Variants in ZMPSTE24 observed in about 807,000 individuals in gnomAD.
ZMPSTE24 encodes zinc metallopeptidase STE24.
ZMPSTE24 carries 48 observed loss-of-function variants against 56.7 expected under a neutral mutation model. The observed-to-expected ratio is 0.85, with a 90% CI of 0.67 to 1.08. The LOEUF is 1.08. Among genes scored for constraint, ZMPSTE24 ranks in the 50% least tolerant of loss-of-function variants. The probability of loss-of-function intolerance (pLI) is 0.00; values close to 1 mark genes in which losing one functional copy is unlikely to be tolerated. For missense variants in ZMPSTE24, 503 were observed against 548.7 expected, an observed-to-expected ratio of 0.92 and a Z score of 0.83; for synonymous variants, 172 against 195.2, an observed-to-expected ratio of 0.88 and a Z score of 0.99.
intron 2 of ZMPSTE24, among the ~76,000 whole-genome samples, chr1:40,262,405 C>A (rs1328646580): frequency 6.6e-6 from 1 of 152,072 alleles, no homozygotes; most frequent in Non-Finnish European, 1.5e-5. Context: ...GTAATCTTTT[C>A]AATAAAGACT....
At chr1:40,263,154 G>A (rs1643515414) in intron 2 of ZMPSTE24, among the ~76,000 whole-genome samples, 1 of 152,208 alleles carries the variant, frequency 6.6e-6, no homozygotes, top group African/African-American at 2.4e-5. Flanking sequence ...GGTGACCATA[G>A]GAATGGCTGT....
In ZMPSTE24 at chr1:40,293,076, C is replaced by T; in HGVS notation, c.*407C>T. ...CAGTGGTCCTGAATCATTGTGCTCA[C>T]ACCTAACTTGAAATCTGGTCTTACT... On this transcript the variant is annotated 3_prime_UTR_variant, in exon 10 of 10. Coordinates refer to ENST00000372759, the MANE Select transcript of ZMPSTE24 (RefSeq NM_005857.5). 1 of 179,732 alleles carries T rather than the reference C, an allele frequency of 5.6e-6. No individual in the cohort carries two copies. The highest frequency in any genetic ancestry group is 1.2e-5 in the Non-Finnish European group (1 of 85,338). The allele number at this position is 179,732 out of a possible 1,614,324, so 11.1% of individuals were successfully genotyped here. A position where few individuals can be genotyped will look rare whatever the true frequency, so the allele number is the denominator to read the frequency against.
Position 40,268,456 on chromosome 1 carries a change from T to C in ZMPSTE24, c.395T>C (p.Leu132Pro), listed in dbSNP as rs762325459. The change falls in exon 4 of 10, where the codon CTT becomes CCT. Residue 132 changes from leucine (L) to proline (P), a missense_variant. By Grantham distance (98) the Leu-to-Pro change is moderately conservative. Coordinates refer to ENST00000372759, the MANE Select transcript of ZMPSTE24 (RefSeq NM_005857.5). ...CTGGTGTTTCTGCTGTTGGCTACAC[T>C]TTTCAGTGCATTGACTGGTTTGCCA... ...QSLVFLLLAT[L>P]FSALTGLPWS... 6 of 1,613,056 alleles carry C rather than the reference T, an allele frequency of 3.7e-6. No individual in the cohort carries two copies. The highest frequency in any genetic ancestry group is 1.7e-4 in the Middle Eastern group (1 of 6,060).
Position 40,267,987 on chromosome 1 carries a change from T to C in ZMPSTE24, c.357+115T>C, listed in dbSNP as rs771527444. 6.2e-4 allele frequency: 531 copies of C among 853,396 alleles called. 2 individuals are homozygous for C. Among genetic ancestry groups the C allele is most frequent in the Non-Finnish European group, 9.2e-4 (455 of 494,290 alleles). 52.9% of individuals were successfully genotyped at this position (853,396 alleles called of 1,614,324 possible). On this transcript the variant is annotated intron_variant, in intron 3 of 9. Transcript: ENST00000372759. The stretch of plus-strand genomic sequence containing the variant: ...GTTAAGATTTGCCTCTCTGTTTGCA[T>C]AGTCCTTGGTTACCCATGCTGTATT...
chr1:40,270,619 C>A, intron 5 of ZMPSTE24, among the ~76,000 whole-genome samples: 1 of 152,106 alleles, frequency 6.6e-6, no homozygotes, highest in African/African-American at 2.4e-5. Context: ...TTCCCCTTCC[C>A]CTTCTATCTT....
At chr1:40,275,667 G>T (rs974665566) in intron 6 of ZMPSTE24, among the ~76,000 whole-genome samples, 2 of 148,522 alleles carry the variant, frequency 1.3e-5, no homozygotes, top group Non-Finnish European at 3.0e-5. Flanking sequence ...CAGGAGGATC[G>T]CTTGAATCTA....
At position 40,260,823 on chromosome 1, in the gene ZMPSTE24, C is replaced by G; in HGVS notation, c.124-16C>G. 6.2e-7 allele frequency: 1 copy of G among 1,611,088 alleles called. No individual in the cohort carries two copies. The highest frequency in any genetic ancestry group is 8.5e-7 in the Non-Finnish European group (1 of 1,177,710). On this transcript the variant is annotated splice_polypyrimidine_tract_variant and intron_variant, in intron 1 of 9. Coordinates refer to ENST00000372759, the MANE Select transcript of ZMPSTE24 (RefSeq NM_005857.5). ...AACAACTATTTCACTAAAGTGTTTTCTTTAAAATATTTCAGAGAAGGATAT... is the reference window on the plus strand; with the variant it reads ...AACAACTATTTCACTAAAGTGTTTTGTTTAAAATATTTCAGAGAAGGATAT...
chr1:40,261,437 C>T (rs1353668205), intron 2 of ZMPSTE24, among the ~76,000 whole-genome samples: 1 of 151,836 alleles, frequency 6.6e-6, no homozygotes, highest in African/African-American at 2.4e-5. Context: ...GCAACCTCTG[C>T]TTCCTAGGCG....
At chr1:40,285,860 CT>C (rs1643781968) in intron 7 of ZMPSTE24, 64 bp from the exon 8 acceptor site, 1 of 1,320,944 alleles carries the variant, frequency 7.6e-7, no homozygotes. Context: ...AGGGCTATTA[CT>C]GGGTTAAAAG....
intron 8 of ZMPSTE24, among the ~76,000 whole-genome samples, chr1:40,288,865 G>A (rs569036838): frequency 1.3e-5 from 2 of 151,712 alleles, no homozygotes; most frequent in Admixed American, 1.3e-4. Context: ...AATAAATTAG[G>A]ATATATATCC....
At position 40,293,002 on chromosome 1, in the gene ZMPSTE24, G is replaced by A; in HGVS notation, c.*333G>A. ...GCATGTGAGGTGTTTGAGGGCATAT[G>A]TTTGAAAGAGGGAGCATCACCACAG... On this transcript the variant is annotated 3_prime_UTR_variant, in exon 10 of 10. Coordinates refer to ENST00000372759, the MANE Select transcript of ZMPSTE24 (RefSeq NM_005857.5). 1 of 268,816 alleles carries A rather than the reference G, an allele frequency of 3.7e-6. No homozygotes were observed. Among genetic ancestry groups the A allele is most frequent in the South Asian group, 3.8e-5 (1 of 26,094 alleles). 16.7% of individuals were successfully genotyped at this position (268,816 alleles called of 1,614,324 possible).
chr1:40,260,975 C>T lies in ZMPSTE24; in HGVS notation c.260C>T (p.Thr87Ile), dbSNP rs372440430. 84 of 1,614,096 alleles carry T rather than the reference C, an allele frequency of 5.2e-5. 2 individuals are homozygous for T. Among genetic ancestry groups the T allele is most frequent in the East Asian group, 2.7e-4 (12 of 44,856 alleles). ...FSFWSGLYSE[T>I]EGTLILLFGG... ...TTCTGGTCAGGACTCTATTCAGAGA[C>T]TGAAGGCACTGTGAGTAATTTACTT... The change falls in exon 2 of 10, where the codon ACT (threonine) becomes ATT (isoleucine). Residue 87 changes from threonine (T) to isoleucine (I), a missense_variant. By Grantham distance (89) the Thr-to-Ile change is moderately conservative. Transcript: ENST00000372759.
In ZMPSTE24 at chr1:40,270,044, T is replaced by C; in HGVS notation, c.544T>C (p.Ser182Pro). The part of the protein sequence containing the change: ...VVTQCILLPV[S>P]SLLLYIIKIG... ...GACTCAGTGTATTTTGTTGCCTGTG[T>C]CTTCACTTCTACTTTACATTATTAA... The change falls in exon 5 of 10, where the codon TCT becomes CCT. Residue 182 changes from serine (S) to proline (P), a missense_variant. Coordinates refer to ENST00000372759, the MANE Select transcript of ZMPSTE24 (RefSeq NM_005857.5). 1 of 1,613,974 alleles carries C rather than the reference T, an allele frequency of 6.2e-7. No homozygotes were observed. Among genetic ancestry groups the C allele is most frequent in the Non-Finnish European group, 8.5e-7 (1 of 1,179,956 alleles).
chr1:40,270,456 T>C (rs1643603173), intron 5 of ZMPSTE24, among the ~76,000 whole-genome samples: 1 of 152,146 alleles, frequency 6.6e-6, no homozygotes, highest in African/African-American at 2.4e-5. Flanking sequence ...CTGACTGACC[T>C]CCACTGCCTA....
chr1:40,291,679 T>C (rs1643845794), intron 9 of ZMPSTE24, among the ~76,000 whole-genome samples: 1 of 152,142 alleles, frequency 6.6e-6, no homozygotes, highest in African/African-American at 2.4e-5. Context: ...TTGGGATAGA[T>C]TGTAGAGTTA....
rs982571606 is a variant in ZMPSTE24, at chr1:40,293,495, G to A, written c.*826G>A. The A allele has an allele frequency of 2.6e-5, 4 of 152,022 alleles. No individual in the cohort carries two copies. The highest frequency in any genetic ancestry group is 7.2e-5 in the African/African-American group (3 of 41,396). The allele number at this position is 152,022 out of a possible 1,614,324, so 9.4% of individuals were successfully genotyped here. A position where few individuals can be genotyped will look rare whatever the true frequency, so the allele number is the denominator to read the frequency against. ...CAGCAGAGATGGCCATATTAAACAC[G>A]TTTTGCTATGTTAAAAGTGGCAGAA... On this transcript the variant is annotated 3_prime_UTR_variant, in exon 10 of 10. Transcript: ENST00000372759.
chr1:40,267,126 T>G (rs1346593712), intron 2 of ZMPSTE24, among the ~76,000 whole-genome samples: 5 of 152,048 alleles, frequency 3.3e-5, no homozygotes, highest in Admixed American at 1.3e-4. Flanking sequence ...AAAAGGTTTT[T>G]TTTTGTTTTG....
chr1:40,279,597 A>G (rs781555951), intron 6 of ZMPSTE24, among the ~76,000 whole-genome samples: 15 of 152,324 alleles, frequency 9.8e-5, no homozygotes, highest in Admixed American at 5.2e-4. Context: ...AATAAGTGGT[A>G]GTCAGTTGGC....
rs1436165085 is a variant in ZMPSTE24, at chr1:40,268,433, G to T, written c.372G>T (p.Leu124=). ...CTTTTGTTTAGATCACTCAGTCCCT[G>T]GTGTTTCTGCTGTTGGCTACACTTT... ...FGPEYEITQS[L]VFLLLATLFS... is the part of the protein sequence containing the mutation. The change falls in exon 4 of 10, where the codon CTG becomes CTT. Residue 124 remains leucine (L), a synonymous_variant. Coordinates refer to ENST00000372759, the MANE Select transcript of ZMPSTE24 (RefSeq NM_005857.5). 1 of 1,611,776 alleles carries T rather than the reference G, an allele frequency of 6.2e-7. No individual in the cohort carries two copies. Among genetic ancestry groups the T allele is most frequent in the East Asian group, 2.2e-5 (1 of 44,836 alleles).
Sources: gnomAD v4.1 joint callset for allele counts (sites outside exome capture counted in the v4.1 genomes callset) on GRCh38, gnomAD v4.1.1 for gene constraint, MANE v1.5 for transcripts, NCBI Gene and HGNC (gene_info 2026-07-23, HGNC 2026-07-21) for gene names.